CCND1: variants seen among roughly 807,000 people sequenced by gnomAD.
The protein encoded by CCND1 is G1/S-specific cyclin-D1.
CCND1 carries 9 observed loss-of-function variants against 26.1 expected under a neutral mutation model. That is an observed-to-expected ratio of 0.35 (90% CI 0.21 to 0.60). The LOEUF is 0.60. Among genes scored for constraint, CCND1 ranks in the 20% least tolerant of loss-of-function variants. The pLI, the probability that CCND1 is intolerant of heterozygous loss-of-function variation, is 0.79. For missense variants in CCND1, 335 were observed against 392.9 expected (o/e 0.85, Z 1.25); for synonymous variants, 194 against 166.1 (o/e 1.17, Z -1.29).
At position 69,651,969 on chromosome 11, in the gene CCND1, C is replaced by G. The variant is rs678653; in HGVS notation, c.*687C>G. The G allele has an allele frequency of 0.56, 131,084 of 232,662 alleles. 40,956 individuals carry two copies. Among genetic ancestry groups the G allele is most frequent in the East Asian group, 0.88 (14,505 of 16,524 alleles). The allele number at this position is 232,662 out of a possible 1,614,324, so 14.4% of individuals were successfully genotyped here. A position where few individuals can be genotyped will look rare whatever the true frequency, so the allele number is the denominator to read the frequency against. On this transcript the variant is annotated 3_prime_UTR_variant, in exon 5 of 5. Transcript: ENST00000227507. ...CTCTTGGTTACAGTAGCGTAGCGTG[C>G]CCGTGTGCATGTCCTTTGCGCCTGT...
chr11:69,650,528 G>A (rs1236268038), intron 4 of CCND1, among the ~76,000 whole-genome samples: 1 of 152,222 alleles, frequency 6.6e-6, no homozygotes, highest in Non-Finnish European at 1.5e-5. Flanking sequence ...TGCATGCTGT[G>A]CCAGGCTGAT....
rs1855697005 is a variant in CCND1 at position 69,641,344 on chromosome 11, G to A, written c.31G>A (p.Glu11Lys). 1 of 1,612,962 alleles carries A rather than the reference G, an allele frequency of 6.2e-7. No homozygotes were observed. Among genetic ancestry groups the A allele is most frequent in the African/African-American group, 1.3e-5 (1 of 75,050 alleles). The change falls in exon 1 of 5, where the codon GAA becomes AAA. Residue 11 changes from glutamate (E) to lysine (K), a missense_variant. Coordinates refer to ENST00000227507, the MANE Select transcript of CCND1 (RefSeq NM_053056.3). ...ACACCAGCTCCTGTGCTGCGAAGTG[G>A]AAACCATCCGCCGCGCGTACCCCGA... MEHQLLCCEV[E>K]TIRRAYPDAN...
chr11:69,648,275 AC>A, intron 4 of CCND1, 133 bp downstream of exon 4: 1 of 927,890 alleles, frequency 1.1e-6, no homozygotes, highest in Non-Finnish European at 1.6e-6. Flanking sequence ...GGCCCCTCGG[AC>A]CCCAGGCCAC....
chr11:69,647,936 G>A lies in CCND1; in HGVS notation c.575-58G>A, dbSNP rs531041668. The A allele has an allele frequency of 5.3e-5, 84 of 1,592,256 alleles. No individual in the cohort carries two copies. The African/African-American group carries it at 6.6e-4, about 12-fold the overall frequency. ...CAGCACACAGGGATGCCCGGATCACGGGGGCCCTGAGAGGGTCCCCTGCTC... is the reference window on the plus strand; with the variant it reads ...CAGCACACAGGGATGCCCGGATCACAGGGGCCCTGAGAGGGTCCCCTGCTC... On this transcript the variant is annotated intron_variant, in intron 3 of 4. Transcript: ENST00000227507.
intron 3 of CCND1, among the ~76,000 whole-genome samples, chr11:69,647,617 C>T (rs986654251): frequency 2.6e-4 from 39 of 152,228 alleles, no homozygotes; most frequent in Non-Finnish European, 5.9e-5. Context: ...TCTACGTCCT[C>T]ATATTTGCGT....
chr11:69,647,732 G>A (rs141092500), intron 3 of CCND1, among the ~76,000 whole-genome samples: 8 of 152,328 alleles, frequency 5.3e-5, no homozygotes, highest in African/African-American at 4.8e-5. Flanking sequence ...GTGTCTTCCC[G>A]TGGCTTTCTC....
intron 4 of CCND1, chr11:69,648,354 G>A: frequency 1.7e-6 from 1 of 576,048 alleles, no homozygotes. Flanking sequence ...GGTCCTCACA[G>A]CCTTCTCACG....
chr11:69,654,137 C>CCCA lies in CCND1; in HGVS notation c.*2855_*2856insCCA. 1.5e-6 allele frequency: 1 copy of CCCA among 682,860 alleles called. No individual in the cohort carries two copies. The highest frequency in any genetic ancestry group is 1.6e-5 in the South Asian group (1 of 64,302). The allele number at this position is 682,860 out of a possible 1,614,324, so 42.3% of individuals were successfully genotyped here. On this transcript the variant is annotated 3_prime_UTR_variant, in exon 5 of 5. Transcript: ENST00000227507. The surrounding 1 kb of genome is among the most constrained non-coding windows in gnomAD (Gnocchi z 6.3). The stretch of plus-strand genomic sequence containing the variant: ...ACAGGCCCACCCCGCCCCACCCCTC[C>CCCA]AGAACACGGCTCACGCTTACCTCAA...
At chr11:69,646,261 C>T (rs894443599) in intron 3 of CCND1, among the ~76,000 whole-genome samples, 3 of 152,186 alleles carry the variant, frequency 2.0e-5, no homozygotes, top group Non-Finnish European at 4.4e-5. Flanking sequence ...CTGGGTGGAA[C>T]TGCTCCCATT....
At chr11:69,644,205 G>A in intron 3 of CCND1, 1 of 598,410 alleles carries the variant, frequency 1.7e-6, no homozygotes. Flanking sequence ...CGGCCACCAT[G>A]CAGTACCTTG....
chr11:69,645,983 C>T (rs983829760), intron 3 of CCND1, among the ~76,000 whole-genome samples: 7 of 152,136 alleles, frequency 4.6e-5, no homozygotes, highest in African/African-American at 1.4e-4. Context: ...AACCAGGCAG[C>T]GGATAGGGTC....
At chr11:69,642,029 C>CAGGG (rs1855710337) in intron 1 of CCND1, among the ~76,000 whole-genome samples, 1 of 87,358 alleles carries the variant, frequency 1.1e-5, no homozygotes, top group Non-Finnish European at 2.3e-5. Context: ...AGGGTGGGGG[C>CAGGG]GGGGAGCGGC....
intron 2 of CCND1, 88 bp downstream of exon 2, chr11:69,643,334 C>T (rs774886294): frequency 1.8e-6 from 2 of 1,099,802 alleles, no homozygotes; most frequent in Admixed American, 2.3e-5. Context: ...TGGCGGCCGG[C>T]CCGCCTCTGA....
Position 69,652,572 on chromosome 11 carries a change from A to C in CCND1, c.*1290A>C, listed in dbSNP as rs1283929898. 1 of 233,190 alleles carries C rather than the reference A, an allele frequency of 4.3e-6. No individual in the cohort carries two copies. The highest frequency in any genetic ancestry group is 8.5e-6 in the Non-Finnish European group (1 of 118,070). 14.4% of individuals were successfully genotyped at this position (233,190 alleles called of 1,614,324 possible). ...GAAGTTTAGGAATCCTTTGGTGCCA[A>C]CTGGTGTTTGAAAGTAGGGACCTCA... On this transcript the variant is annotated 3_prime_UTR_variant, in exon 5 of 5. Transcript: ENST00000227507.
chr11:69,643,350 C>G (rs530058631), intron 2 of CCND1, 104 bp downstream of exon 2: 2 of 884,906 alleles, frequency 2.3e-6, no homozygotes, highest in East Asian at 3.1e-5. Context: ...TCTGACATAT[C>G]TGCTCCTCCG....
intron 1 of CCND1, among the ~76,000 whole-genome samples, chr11:69,642,755 G>C (rs1170603293): frequency 6.6e-6 from 1 of 151,836 alleles, no homozygotes; most frequent in Non-Finnish European, 1.5e-5. Flanking sequence ...CCCGGGGGCC[G>C]GCAGCCCGCG....
chr11:69,645,923 G>A (rs1855772581), intron 3 of CCND1, among the ~76,000 whole-genome samples: 1 of 152,208 alleles, frequency 6.6e-6, no homozygotes, highest in Admixed American at 6.5e-5. Context: ...GGCCAGGTGA[G>A]GAACGTCCAG....
At chr11:69,641,644 C>A in intron 1 of CCND1, 133 bp downstream of exon 1, 2 of 856,330 alleles carry the variant, frequency 2.3e-6, no homozygotes, top group Non-Finnish European at 3.6e-6. Flanking sequence ...TCTAGGGATC[C>A]GTATTTTCAA....
rs955895941 is a variant in CCND1 at position 69,652,775 on chromosome 11, C to G, written c.*1493C>G. The G allele has an allele frequency of 7.7e-6, 1 of 130,718 alleles. No homozygotes were observed. Among genetic ancestry groups the G allele is most frequent in the African/African-American group, 4.5e-5 (1 of 22,296 alleles). The allele number at this position is 130,718 out of a possible 1,614,324, so 8.1% of individuals were successfully genotyped here. A position where few individuals can be genotyped will look rare whatever the true frequency, so the allele number is the denominator to read the frequency against. On this transcript the variant is annotated 3_prime_UTR_variant, in exon 5 of 5. Transcript: ENST00000227507. The stretch of plus-strand genomic sequence containing the variant: ...GCAATCTCCCCTTGATTTAAACACA[C>G]AGATACACACACACACACACACACA...
Sources: allele counts gnomAD v4.1 joint callset (sites outside exome capture counted in the v4.1 genomes callset), GRCh38; gene constraint gnomAD v4.1.1; non-coding constraint Gnocchi (gnomAD v3.1); transcripts MANE v1.5; gene names NCBI Gene and HGNC (gene_info 2026-07-23, HGNC 2026-07-21).